CRTC3: variants seen among roughly 807,000 people sequenced by gnomAD.
CRTC3 encodes CREB regulated transcription coactivator 3.
A neutral mutation model predicts 74.5 loss-of-function variants in CRTC3; 26 were observed. The observed-to-expected ratio is 0.35, with a 90% CI of 0.26 to 0.48. The LOEUF is 0.48. Ranked by LOEUF, CRTC3 falls within the 20% of genes least tolerant of loss-of-function variation. The pLI is 0.99. For synonymous variants in CRTC3, 377 were observed against 325.8 expected (o/e 1.16, Z -1.69); for missense variants, 760 against 787.3 (o/e 0.97, Z 0.41).
At chr15:90,591,329 A>C (rs1197468686) in intron 2 of CRTC3, among the ~76,000 whole-genome samples, 1 of 151,978 alleles carries the variant, frequency 6.6e-6, no homozygotes, top group Non-Finnish European at 1.5e-5. Flanking sequence ...TATGTTTCCC[A>C]GGCTGGTCTC....
chr15:90,624,662 C>G (rs532904182), intron 9 of CRTC3, among the ~76,000 whole-genome samples: 2 of 152,380 alleles, frequency 1.3e-5, no homozygotes, highest in South Asian at 4.1e-4. Flanking sequence ...CACCCCTTCT[C>G]AAACCCAGCA....
chr15:90,558,844 C>T (rs1358735526), intron 2 of CRTC3, among the ~76,000 whole-genome samples: 2 of 151,848 alleles, frequency 1.3e-5, no homozygotes, highest in African/African-American at 4.8e-5. Flanking sequence ...CTCCACCTCC[C>T]GGGTTCAAGC....
intron 11 of CRTC3, 54 bp from the exon 12 acceptor site, chr15:90,638,392 C>CT: frequency 6.7e-7 from 1 of 1,495,770 alleles, no homozygotes; most frequent in East Asian, 2.3e-5. Context: ...TCCTAAAGGA[C>CT]TTAACGCCAG....
rs778818626 is a variant in CRTC3 at position 90,644,372 on chromosome 15, CAG to C, written c.*2235_*2236del. On this transcript the variant is annotated 3_prime_UTR_variant, in exon 15 of 15. Transcript: ENST00000268184. ...TTTCAAGAATTGTGTTTTTATAAAA[CAG>C]AGGTCTCAGCATAGTCACTCTTCAC... The C allele has an allele frequency of 7.8e-4, 179 of 230,652 alleles. 1 individual carries two copies. Among genetic ancestry groups the C allele is most frequent in the Non-Finnish European group, 6.7e-4 (78 of 116,570 alleles). The allele number at this position is 230,652 out of a possible 1,614,324, so 14.3% of individuals were successfully genotyped here. A position where few individuals can be genotyped will look rare whatever the true frequency, so the allele number is the denominator to read the frequency against.
In CRTC3 at chr15:90,642,588, G is replaced by A. The variant is rs181670728; in HGVS notation, c.*448G>A. The A allele has an allele frequency of 7.4e-5, 23 of 308,912 alleles. No homozygotes were observed. Among genetic ancestry groups the A allele is most frequent in the Admixed American group, 5.1e-4 (11 of 21,596 alleles). The allele number at this position is 308,912 out of a possible 1,614,324, so 19.1% of individuals were successfully genotyped here. ...GCGGCGGCACCGGAGAGGGCACCTC[G>A]ATGCCTGCTCTGACCTGACCCAGAG... On this transcript the variant is annotated 3_prime_UTR_variant, in exon 15 of 15. Transcript: ENST00000268184.
At chr15:90,629,163 T>C in intron 10 of CRTC3, 71 bp from the exon 11 acceptor site, 1 of 1,445,452 alleles carries the variant, frequency 6.9e-7, no homozygotes, top group Non-Finnish European at 9.4e-7. Context: ...GTAGACAGTT[T>C]TCTTTCATTT....
chr15:90,557,101 T>C (rs956497437), intron 2 of CRTC3, among the ~76,000 whole-genome samples: 5 of 151,992 alleles, frequency 3.3e-5, no homozygotes, highest in Admixed American at 3.3e-4. Flanking sequence ...AAGTTCTCTT[T>C]GGCAGGAATG....
rs773453423 is a variant in CRTC3, at chr15:90,641,122, G to C, written c.1574G>C (p.Arg525Pro). 1 of 1,613,902 alleles carries C rather than the reference G, an allele frequency of 6.2e-7. No individual in the cohort carries two copies. The highest frequency in any genetic ancestry group is 8.5e-7 in the Non-Finnish European group (1 of 1,179,898). The change falls in exon 14 of 15, where the codon CGA becomes CCA. Residue 525 changes from arginine (R) to proline (P), a missense_variant. Transcript: ENST00000268184. ...GTGCCTCTGGTGCAACAAGGTTCCC[G>C]AGAACTGCAGGACTCTTTTCATTTG... ...QQVPLVQQGSRELQDSFHLRP... is the reference protein window; with the variant it reads ...QQVPLVQQGSPELQDSFHLRP...
chr15:90,640,992 G>A (rs1969419011), intron 13 of CRTC3, 105 bp from the exon 14 acceptor site: 1 of 730,312 alleles, frequency 1.4e-6, no homozygotes, highest in Non-Finnish European at 2.5e-6. Flanking sequence ...AGGGAATATG[G>A]ATTAGTTTGC....
rs1340655561 is a variant in CRTC3, at chr15:90,638,457, A to C, written c.1278A>C (p.Ser426=). ...APYPTSQMVS[S]DRSQLSFLPT... is the part of the protein sequence containing the mutation. ...TGTTTGTTTTGCAGATGGTGTCCTC[A>C]GACCGAAGCCAACTTTCCTTTCTGC... is the stretch of plus-strand genomic sequence containing the variant. The change falls in exon 12 of 15, where the codon TCA becomes TCC. Residue 426 remains serine (S), a synonymous_variant. Transcript: ENST00000268184. 6.2e-7 allele frequency: 1 copy of C among 1,614,140 alleles called. No homozygotes were observed. Among genetic ancestry groups the C allele is most frequent in the Admixed American group, 1.7e-5 (1 of 60,024 alleles).
chr15:90,620,612 A>T (rs1259489994), intron 9 of CRTC3, among the ~76,000 whole-genome samples: 1 of 151,996 alleles, frequency 6.6e-6, no homozygotes, highest in East Asian at 1.9e-4. Flanking sequence ...GTTCACAGAG[A>T]GGACCCCTTG....
chr15:90,579,352 C>G (rs577462994), intron 2 of CRTC3, among the ~76,000 whole-genome samples: 1 of 152,074 alleles, frequency 6.6e-6, no homozygotes, highest in Admixed American at 6.5e-5. Flanking sequence ...CACTGGGGAC[C>G]GACAGCCTTG....
intron 10 of CRTC3, among the ~76,000 whole-genome samples, chr15:90,626,259 T>C (rs1596137986): frequency 6.6e-6 from 1 of 152,222 alleles, no homozygotes; most frequent in Admixed American, 6.5e-5. Context: ...GAATAAGATA[T>C]GGGAGCCAAG....
intron 2 of CRTC3, among the ~76,000 whole-genome samples, chr15:90,565,899 T>C (rs117405298): frequency 0.021 from 3,200 of 152,302 alleles, 160 homozygotes; most frequent in East Asian, 0.15. Flanking sequence ...ATTAGGCCTC[T>C]AAGTGTTCAA....
chr15:90,637,242 A>G (rs933831630), intron 11 of CRTC3, among the ~76,000 whole-genome samples: 354 of 152,344 alleles, frequency 2.3e-3, no homozygotes, highest in Non-Finnish European at 2.9e-3. Context: ...TGATGAGTTC[A>G]TGTCCTTTGT....
chr15:90,551,473 A>G (rs1274833881), intron 2 of CRTC3, among the ~76,000 whole-genome samples: 1 of 152,152 alleles, frequency 6.6e-6, no homozygotes, highest in Non-Finnish European at 1.5e-5. Flanking sequence ...GGTTGCATTA[A>G]GCCACATTTC....
intron 10 of CRTC3, among the ~76,000 whole-genome samples, chr15:90,626,619 T>TTTTTTTC (rs1555453076): frequency 3.3e-4 from 50 of 151,364 alleles, no homozygotes; most frequent in African/African-American, 1.2e-3. Flanking sequence ...CACTTTTTTT[T>TTTTTTTC]TTTTTTTTTT....
intron 4 of CRTC3, among the ~76,000 whole-genome samples, chr15:90,602,828 G>T (rs1245889913): frequency 6.6e-6 from 1 of 151,058 alleles, no homozygotes; most frequent in Non-Finnish European, 1.5e-5. Flanking sequence ...ACAAAAATTA[G>T]CTGGGCATGA....
chr15:90,552,119 G>T (rs1483309934), intron 2 of CRTC3, among the ~76,000 whole-genome samples: 1 of 152,100 alleles, frequency 6.6e-6, no homozygotes. Context: ...AATGTTTCCC[G>T]AGCGCCTGCT....
Sources: gnomAD v4.1 joint callset for allele counts (sites outside exome capture counted in the v4.1 genomes callset) on GRCh38, gnomAD v4.1.1 for gene constraint, MANE v1.5 for transcripts, NCBI Gene and HGNC (gene_info 2026-07-23, HGNC 2026-07-21) for gene names.